The following CDH4 variants were observed in gnomAD, a reference collection of about 807,000 sequenced individuals.
The protein encoded by CDH4 is cadherin-4.
CDH4 carries 33 observed loss-of-function variants against 86.0 expected under a neutral mutation model. The ratio of observed to expected loss-of-function variants is 0.38; its 90% CI spans 0.29 to 0.51. The LOEUF (loss-of-function observed/expected upper bound fraction) is 0.51, where lower values mean the gene tolerates loss of function less well. Ranked by LOEUF, CDH4 falls within the 20% of genes least tolerant of loss-of-function variation. CDH4 has a pLI of 0.86. For synonymous variants in CDH4, 555 were observed against 549.4 expected (o/e 1.01, Z -0.14); for missense variants, 1,114 against 1,307.4 (o/e 0.85, Z 2.28).
chr20:61,384,498 G>T (rs1010532987), intron 2 of CDH4, among the ~76,000 whole-genome samples: 1 of 152,150 alleles, frequency 6.6e-6, no homozygotes, highest in African/African-American at 2.4e-5. Context: ...TGGTGACCTG[G>T]ATGTGTGGTT....
chr20:61,513,289 G>A (rs1336937493), intron 2 of CDH4, among the ~76,000 whole-genome samples: 1 of 152,204 alleles, frequency 6.6e-6, no homozygotes, highest in African/African-American at 2.4e-5. Context: ...CTGGGCGCAG[G>A]GTGGAAAGGG....
intron 2 of CDH4, among the ~76,000 whole-genome samples, chr20:61,713,833 C>T (rs551612692): frequency 4.6e-5 from 7 of 152,202 alleles, no homozygotes; most frequent in Admixed American, 2.6e-4. Context: ...ACTAGAAGCC[C>T]ATCTGTGGCT....
chr20:61,366,944 G>A (rs889129306), intron 2 of CDH4, among the ~76,000 whole-genome samples: 2 of 152,058 alleles, frequency 1.3e-5, no homozygotes, highest in African/African-American at 2.4e-5. Flanking sequence ...TCATAGCCCT[G>A]GACAACTGGA....
intron 2 of CDH4, among the ~76,000 whole-genome samples, chr20:61,502,968 C>T (rs1433940225): frequency 6.6e-6 from 1 of 152,186 alleles, no homozygotes; most frequent in African/African-American, 2.4e-5. Flanking sequence ...AGCATTTCTG[C>T]ACGCCAAAGA....
chr20:61,255,078 G>A, intron 2 of CDH4, 141 bp downstream of exon 2: 1 of 632,846 alleles, frequency 1.6e-6, no homozygotes, highest in Non-Finnish European at 2.9e-6. Flanking sequence ...GGTGCAAATT[G>A]GTTGACCTGA....
chr20:61,485,126 T>G (rs2145582759), intron 2 of CDH4, among the ~76,000 whole-genome samples: 1 of 152,332 alleles, frequency 6.6e-6, no homozygotes, highest in South Asian at 2.1e-4. Flanking sequence ...GGCAAAGGAC[T>G]TGGGTTCTTC....
At chr20:61,315,295 C>T (rs1431141964) in intron 2 of CDH4, among the ~76,000 whole-genome samples, 1 of 152,118 alleles carries the variant, frequency 6.6e-6, no homozygotes, top group Non-Finnish European at 1.5e-5. Flanking sequence ...GGGCATGAGG[C>T]AGGAAGATGC....
chr20:61,706,501 A>T (rs560916675), intron 2 of CDH4, among the ~76,000 whole-genome samples: 1 of 152,320 alleles, frequency 6.6e-6, no homozygotes, highest in Admixed American at 6.5e-5. Context: ...CTGTTCAGGA[A>T]CGGAGAAAGT....
chr20:61,670,579 C>T (rs960627924), intron 2 of CDH4, among the ~76,000 whole-genome samples: 3 of 152,172 alleles, frequency 2.0e-5, no homozygotes, highest in Non-Finnish European at 4.4e-5. Context: ...AGGGAAACAT[C>T]CAAAGCTTTG....
At chr20:61,718,168 G>T (rs1351786985) in intron 2 of CDH4, 2 of 153,284 alleles carry the variant, frequency 1.3e-5, no homozygotes, top group African/African-American at 4.8e-5. Flanking sequence ...CCGGAAGACT[G>T]AGCCGCTGGG....
chr20:61,376,571 C>G (rs1204229998), intron 2 of CDH4, among the ~76,000 whole-genome samples: 1 of 152,126 alleles, frequency 6.6e-6, no homozygotes, highest in Non-Finnish European at 1.5e-5. Context: ...TGGAAGGGCT[C>G]TTACTCCAGG....
At chr20:61,444,058 G>A (rs111212438) in intron 2 of CDH4, among the ~76,000 whole-genome samples, 6,088 of 38,248 alleles carry the variant, frequency 0.16, 436 homozygotes, top group African/African-American at 0.36. Context: ...ATCTCTGGTT[G>A]TCTGTGTGTG....
Position 61,793,961 on chromosome 20 carries a change from AC to A in CDH4, c.576+20781del, listed in dbSNP as rs1292493307. 1.2e-3 allele frequency among the ~76,000 whole-genome samples: 172 copies of A among 143,692 alleles called. 1 individual carries two copies. The highest frequency in any genetic ancestry group is 1.1e-4 in the Non-Finnish European group (7 of 66,578). 94.3% of individuals were successfully genotyped at this position (143,692 alleles called of 152,430 possible). ...AGAGCATCCTGACTAACACGGTGAA[AC>A]CTCGTCTCTACTAAAAATACAAAAA... is the stretch of plus-strand genomic sequence containing the variant. On this transcript the variant is annotated intron_variant, in intron 4 of 15. Transcript: ENST00000614565.
chr20:61,566,398 G>A (rs1198658673), intron 2 of CDH4, among the ~76,000 whole-genome samples: 1 of 152,218 alleles, frequency 6.6e-6, no homozygotes, highest in Non-Finnish European at 1.5e-5. Flanking sequence ...AAGAGTTGGA[G>A]TAAAAATGAA....
chr20:61,912,563 A>C (rs938684798), intron 9 of CDH4, among the ~76,000 whole-genome samples: 2 of 152,264 alleles, frequency 1.3e-5, no homozygotes, highest in African/African-American at 4.8e-5. Context: ...ATTGTGCTAC[A>C]TTTACTAAAT....
At chr20:61,893,193 G>A (rs1984909756) in intron 7 of CDH4, among the ~76,000 whole-genome samples, 2 of 107,354 alleles carry the variant, frequency 1.9e-5, no homozygotes, top group African/African-American at 3.5e-5. Context: ...GTGGATAAAT[G>A]AATGGGTGGC....
At chr20:61,806,544 C>T (rs141402075) in intron 4 of CDH4, among the ~76,000 whole-genome samples, 2 of 142,564 alleles carry the variant, frequency 1.4e-5, no homozygotes, top group African/African-American at 5.1e-5. Context: ...CACACATGTC[C>T]ACGCGCACGC....
Position 61,663,208 on chromosome 20 carries a change from T to G in CDH4, c.170-80355T>G, listed in dbSNP as rs1405326154. ...CGCCTCCGTGTGTGGACTGATGAGG[T>G]AAACGTTCTGTGACAAAGCCCCTGT... On this transcript the variant is annotated intron_variant, in intron 2 of 15. Transcript: ENST00000614565. The surrounding 1 kb of genome is among the most constrained non-coding windows in gnomAD (Gnocchi z 5.0). Among the ~76,000 whole-genome samples, 1 of 152,098 alleles carries G rather than the reference T, an allele frequency of 6.6e-6. No individual in the cohort carries two copies. Among genetic ancestry groups the G allele is most frequent in the African/African-American group, 2.4e-5 (1 of 41,394 alleles).
At chr20:61,546,933 G>A (rs376212996) in intron 2 of CDH4, among the ~76,000 whole-genome samples, 10 of 152,122 alleles carry the variant, frequency 6.6e-5, no homozygotes, top group East Asian at 1.9e-4. Flanking sequence ...TTCCGTCTCC[G>A]TGCCCACGCT....
Sources: allele counts gnomAD v4.1 joint callset (sites outside exome capture counted in the v4.1 genomes callset), GRCh38; gene constraint gnomAD v4.1.1; non-coding constraint Gnocchi (gnomAD v3.1); transcripts MANE v1.5; gene names NCBI Gene and HGNC (gene_info 2026-07-23, HGNC 2026-07-21).